Variants in SMAD3 observed in about 807,000 individuals in gnomAD.
SMAD3 encodes the protein SMAD family member 3.
In SMAD3, 12 loss-of-function variants were observed where a neutral mutation model predicts 51.8. The observed-to-expected ratio is 0.23, with a 90% CI of 0.15 to 0.38. The LOEUF (loss-of-function observed/expected upper bound fraction) is 0.38, where lower values mean the gene tolerates loss of function less well. Among genes scored for constraint, SMAD3 ranks in the 10% least tolerant of loss-of-function variants. The pLI is 1.00. For synonymous variants in SMAD3, 238 were observed against 227.7 expected, an observed-to-expected ratio of 1.05 and a Z score of -0.41; for missense variants, 294 against 565.6, an observed-to-expected ratio of 0.52 and a Z score of 4.87.
At chr15:67,158,706 C>T (rs1380968052) in intron 1 of SMAD3, among the ~76,000 whole-genome samples, 1 of 152,192 alleles carries the variant, frequency 6.6e-6, no homozygotes, top group Non-Finnish European at 1.5e-5. Flanking sequence ...ATTATCCACA[C>T]GGCATTGTGG....
intron 1 of SMAD3, among the ~76,000 whole-genome samples, chr15:67,140,303 G>A (rs1961784536): frequency 1.3e-5 from 2 of 152,194 alleles, no homozygotes; most frequent in South Asian, 4.1e-4. Flanking sequence ...ACTGAAAATG[G>A]AGTGGTGATA....
chr15:67,152,816 C>T (rs1475178878), intron 1 of SMAD3, among the ~76,000 whole-genome samples: 3 of 152,174 alleles, frequency 2.0e-5, no homozygotes, highest in African/African-American at 4.8e-5. Flanking sequence ...TCCCCATCAA[C>T]TTGGTGCTTG....
intron 1 of SMAD3, chr15:67,098,659 C>G (rs559192670): frequency 2.6e-5 from 14 of 547,006 alleles, no homozygotes; most frequent in Admixed American, 6.1e-5. Context: ...TTTTCTCCTG[C>G]CACAGTGAGC....
At chr15:67,183,263 C>T (rs768683497) in intron 6 of SMAD3, among the ~76,000 whole-genome samples, 2 of 151,636 alleles carry the variant, frequency 1.3e-5, no homozygotes, top group Non-Finnish European at 2.9e-5. Context: ...AGGCTAGTCT[C>T]GAACTCCTGA....
At chr15:67,181,506 C>G in intron 6 of SMAD3, 53 bp downstream of exon 6, 2 of 1,369,846 alleles carry the variant, frequency 1.5e-6, no homozygotes, top group Non-Finnish European at 9.9e-7. Context: ...CCACTCTATC[C>G]CACCCCCAGC....
intron 1 of SMAD3, among the ~76,000 whole-genome samples, chr15:67,084,065 T>TTTTC (rs1478752416): frequency 1.3e-4 from 17 of 129,608 alleles, no homozygotes; most frequent in African/African-American, 5.4e-4. Flanking sequence ...ATTTTCTTTT[T>TTTTC]TTTTCTTTTT....
At position 67,089,269 on chromosome 15, in the gene SMAD3, G is replaced by GT. The variant is rs1348627148; in HGVS notation, c.206+22915dup. On this transcript the variant is annotated intron_variant, in intron 1 of 8. Coordinates refer to ENST00000327367, the MANE Select transcript of SMAD3 (RefSeq NM_005902.4). The stretch of plus-strand genomic sequence containing the variant: ...GCCAGATGACCCTTGCTACTTTACT[G>GT]TTTTTTCTTTGAGCCTCTTGGTGAT... Among the ~76,000 whole-genome samples, 5 of 152,112 alleles carry GT rather than the reference G, an allele frequency of 3.3e-5. No homozygotes were observed. The East Asian group carries it at 5.8e-4, about 18-fold the overall frequency.
At chr15:67,067,758 G>C (rs929439883) in intron 1 of SMAD3, among the ~76,000 whole-genome samples, 3 of 152,172 alleles carry the variant, frequency 2.0e-5, no homozygotes, top group African/African-American at 7.2e-5. Flanking sequence ...AAGGCGGTGT[G>C]CTGTCTGGGG....
chr15:67,183,580 A>G (rs1368713704), intron 6 of SMAD3, among the ~76,000 whole-genome samples: 1 of 152,100 alleles, frequency 6.6e-6, no homozygotes, highest in Non-Finnish European at 1.5e-5. Flanking sequence ...CCAGTGATGC[A>G]TGGGTCGGTC....
At chr15:67,085,693 T>C (rs148763228) in intron 1 of SMAD3, among the ~76,000 whole-genome samples, 2,231 of 152,212 alleles carry the variant, frequency 0.015, 49 homozygotes, top group African/African-American at 0.051. Context: ...CCAGTGAATT[T>C]CAAATTTCTA....
At position 67,076,260 on chromosome 15, in the gene SMAD3, C is replaced by T. The variant is rs78042785; in HGVS notation, c.206+9900C>T. Among the ~76,000 whole-genome samples, 557 of 152,278 alleles carry T rather than the reference C, an allele frequency of 3.7e-3. 3 individuals are homozygous for T. Among genetic ancestry groups the T allele is most frequent in the African/African-American group, 0.013 (530 of 41,548 alleles). On this transcript the variant is annotated intron_variant, in intron 1 of 8. Coordinates refer to ENST00000327367, the MANE Select transcript of SMAD3 (RefSeq NM_005902.4). ...GTTCTGCCCTCCCCCATCACCTTCT[C>T]TATCATTATTCTTAAAAATTTGTTT...
At chr15:67,142,883 G>A (rs144087795) in intron 1 of SMAD3, 31 of 453,958 alleles carry the variant, frequency 6.8e-5, no homozygotes, top group Middle Eastern at 3.3e-4. Context: ...CCCATGTGCA[G>A]GAGACAGCTC....
intron 7 of SMAD3, among the ~76,000 whole-genome samples, chr15:67,185,704 G>A (rs140789989): frequency 1.5e-3 from 221 of 152,220 alleles, no homozygotes; most frequent in African/African-American, 5.1e-3. Context: ...GCCACGCCTG[G>A]ACAGCAAGAT....
intron 1 of SMAD3, among the ~76,000 whole-genome samples, chr15:67,069,573 G>A (rs1165824944): frequency 6.6e-6 from 1 of 152,138 alleles, no homozygotes; most frequent in Non-Finnish European, 1.5e-5. Flanking sequence ...TTGGGAGCTA[G>A]ACCAAGCTTA....
intron 1 of SMAD3, among the ~76,000 whole-genome samples, chr15:67,135,373 G>T (rs1391855162): frequency 1.3e-5 from 2 of 152,206 alleles, no homozygotes; most frequent in Non-Finnish European, 2.9e-5. Flanking sequence ...TGGGCCAGTG[G>T]CTTTGCCCCT....
At chr15:67,181,210 A>G in intron 5 of SMAD3, 31 bp from the exon 6 acceptor site, 1 of 1,575,178 alleles carries the variant, frequency 6.3e-7, no homozygotes, top group Non-Finnish European at 8.7e-7. Context: ...TGGGACACCC[A>G]ATGACCCAGT....
At chr15:67,158,165 A>C (rs1022441546) in intron 1 of SMAD3, among the ~76,000 whole-genome samples, 6 of 152,330 alleles carry the variant, frequency 3.9e-5, no homozygotes, top group African/African-American at 1.4e-4. Flanking sequence ...GCTCAGAATT[A>C]AGACTTATTT....
intron 1 of SMAD3, among the ~76,000 whole-genome samples, chr15:67,134,377 C>T (rs746293307): frequency 1.3e-5 from 2 of 152,114 alleles, no homozygotes; most frequent in African/African-American, 2.4e-5. Context: ...ATCCAGCCAT[C>T]GGAGAGATGC....
Position 67,105,420 on chromosome 15 carries a change from G to A in SMAD3, c.206+39060G>A, listed in dbSNP as rs570036560. On this transcript the variant is annotated intron_variant, in intron 1 of 8. Transcript: ENST00000327367. ...CTGTATGCGGTGAGTCCAGGATGCT[G>A]AGAAGATGCCGGGCTGTTGGGTAAG... Among the ~76,000 whole-genome samples, 28 of 152,304 alleles carry A rather than the reference G, an allele frequency of 1.8e-4. No homozygotes were observed. The East Asian group carries it at 5.4e-3, about 29-fold the overall frequency.
Sources: allele counts gnomAD v4.1 joint callset (sites outside exome capture counted in the v4.1 genomes callset), GRCh38; gene constraint gnomAD v4.1.1; transcripts MANE v1.5; gene names NCBI Gene and HGNC (gene_info 2026-07-23, HGNC 2026-07-21).